The following BNIP1 variants were observed in gnomAD, a reference collection of about 807,000 sequenced individuals.
BNIP1 encodes BCL2 interacting protein 1.
Under a neutral mutation model 28.5 loss-of-function variants are expected in BNIP1, and 25 were observed. The observed-to-expected ratio is 0.88, with a 90% confidence interval of 0.64 to 1.23. BNIP1 has a LOEUF of 1.23. Among genes scored for constraint, BNIP1 ranks in the 50% most tolerant of loss-of-function variants. The pLI is 0.00. For synonymous variants in BNIP1, 118 were observed against 101.7 expected (o/e 1.16, Z -0.96); for missense variants, 276 against 277.0 (o/e 1.00, Z 0.02).
intron 1 of BNIP1, among the ~76,000 whole-genome samples, chr5:173,145,281 C>T (rs747062784): frequency 2.3e-4 from 35 of 152,316 alleles, no homozygotes; most frequent in Middle Eastern, 3.4e-3. Context: ...AAGTGTTTCG[C>T]CTTAAGCCAT....
At chr5:173,153,905 T>C (rs754653888) in intron 2 of BNIP1, among the ~76,000 whole-genome samples, 39 of 152,200 alleles carry the variant, frequency 2.6e-4, no homozygotes, top group Non-Finnish European at 4.7e-4. Flanking sequence ...TTTAATTAAA[T>C]AGGCACAGAA....
intron 2 of BNIP1, among the ~76,000 whole-genome samples, chr5:173,153,736 T>A (rs966224889): frequency 4.6e-5 from 7 of 152,186 alleles, no homozygotes; most frequent in Non-Finnish European, 7.3e-5. Flanking sequence ...GACATTTTTT[T>A]ATACCATTTT....
chr5:173,158,597 C>A, intron 3 of BNIP1, 147 bp from the exon 4 acceptor site: 1 of 613,334 alleles, frequency 1.6e-6, no homozygotes, highest in Non-Finnish European at 2.9e-6. Context: ...AACCAGGAGG[C>A]GGAAGTGGCA....
chr5:173,158,646 T>G lies in BNIP1; in HGVS notation c.270-98T>G, dbSNP rs1760274326. 4 of 911,756 alleles carry G rather than the reference T, an allele frequency of 4.4e-6. No individual in the cohort carries two copies. The African/African-American group carries it at 5.1e-5, about 12-fold the overall frequency. The allele number at this position is 911,756 out of a possible 1,614,324, so 56.5% of individuals were successfully genotyped here. A position where few individuals can be genotyped will look rare whatever the true frequency, so the allele number is the denominator to read the frequency against. ...GCTCTGAAGGCCGTGCCTGGTGGCC[T>G]TCTCCCGTGTGCCTTTGTTGGGGGG... On this transcript the variant is annotated intron_variant, in intron 3 of 5. Transcript: ENST00000351486.
At chr5:173,144,724 C>A in intron 1 of BNIP1, 95 bp downstream of exon 1, 2 of 1,348,694 alleles carry the variant, frequency 1.5e-6, no homozygotes, top group Non-Finnish European at 2.1e-6. Flanking sequence ...ACTTTCCCCA[C>A]TTGGTTTCCC....
chr5:173,163,778 G>C lies in BNIP1; in HGVS notation c.544G>C (p.Gly182Arg). Reference protein sequence around the residue: ...DANEEFKSMSGTIQLGRKLIT... With the variant: ...DANEEFKSMSRTIQLGRKLIT... ...AAATGAAGAATTTAAGTCCATGTCG[G>C]GCACCATCCAGCTGGGCCGGAAGCT... Residue 182 changes from glycine to arginine, a missense_variant, in exon 6 of 6, where the codon GGC becomes CGC. Coordinates refer to ENST00000351486, the MANE Select transcript of BNIP1 (RefSeq NM_001205.3). 6.2e-7 allele frequency: 1 copy of C among 1,612,910 alleles called. No homozygotes were observed. The highest frequency in any genetic ancestry group is 8.5e-7 in the Non-Finnish European group (1 of 1,179,516).
chr5:173,149,009 A>G (rs1243015564), intron 2 of BNIP1, among the ~76,000 whole-genome samples: 2 of 152,154 alleles, frequency 1.3e-5, no homozygotes, highest in East Asian at 3.9e-4. Flanking sequence ...TTGGCAGAGA[A>G]CTAGCACTTA....
intron 2 of BNIP1, chr5:173,151,835 C>A: frequency 8.0e-7 from 1 of 1,255,970 alleles, no homozygotes; most frequent in Non-Finnish European, 1.1e-6. Flanking sequence ...AGCACATGGC[C>A]AGTAAATGAA....
At chr5:173,148,903 C>G (rs1270496939) in intron 2 of BNIP1, among the ~76,000 whole-genome samples, 1 of 152,064 alleles carries the variant, frequency 6.6e-6, no homozygotes, top group East Asian at 1.9e-4. Flanking sequence ...CTGAGGGTTT[C>G]TAGTAATTTC....
intron 2 of BNIP1, chr5:173,151,731 C>T: frequency 6.2e-7 from 1 of 1,609,810 alleles, no homozygotes. Context: ...CATCTGGGTG[C>T]CCACCCAGTG....
chr5:173,150,374 C>T (rs534048136), intron 2 of BNIP1, among the ~76,000 whole-genome samples: 1 of 152,162 alleles, frequency 6.6e-6, no homozygotes, highest in Admixed American at 6.5e-5. Flanking sequence ...GGTAGAAAAG[C>T]TGGCCAGTTG....
Position 173,154,317 on chromosome 5 carries a change from C to T in BNIP1, c.178-5C>T, listed in dbSNP as rs1760116146. The T allele has an allele frequency of 6.2e-7, 1 of 1,608,856 alleles. No individual in the cohort carries two copies. The highest frequency in any genetic ancestry group is 1.3e-5 in the African/African-American group (1 of 74,594). On this transcript the variant is annotated splice_region_variant and splice_polypyrimidine_tract_variant and intron_variant, in intron 2 of 5. Coordinates refer to ENST00000351486, the MANE Select transcript of BNIP1 (RefSeq NM_001205.3). ...ATTTTAACATGGAATTATTTTTCCT[C>T]AAAGGACCTGGAGCAGTTGGCTAAA...
At chr5:173,147,097 G>A in intron 2 of BNIP1, 139 bp downstream of exon 2, 1 of 631,242 alleles carries the variant, frequency 1.6e-6, no homozygotes, top group Non-Finnish European at 2.7e-6. Context: ...GTACTAACCT[G>A]CTCTCCAGGT....
At chr5:173,148,078 AAAAAAATATATATATATATAT>A (rs1759897877) in intron 2 of BNIP1, among the ~76,000 whole-genome samples, 1 of 46,818 alleles carries the variant, frequency 2.1e-5, no homozygotes, top group African/African-American at 1.0e-4. Flanking sequence ...AAAAAAAAAA[AAAAAAATATATATATATATAT>A]ATATATATAT....
At chr5:173,151,546 ATT>A (rs374928255) in intron 2 of BNIP1, 10,770 of 1,414,952 alleles carry the variant, frequency 7.6e-3, no homozygotes, top group South Asian at 0.015. Flanking sequence ...AATAACTGTC[ATT>A]TTTTTTTTTT....
At chr5:173,144,694 CT>C (rs1429839868) in intron 1 of BNIP1, 65 bp downstream of exon 1, 2 of 1,548,678 alleles carry the variant, frequency 1.3e-6, no homozygotes, top group East Asian at 4.6e-5. Context: ...GGTCTGTGAG[CT>C]TGGCAGTGTC....
intron 5 of BNIP1, among the ~76,000 whole-genome samples, chr5:173,160,422 C>T (rs1173880204): frequency 4.6e-5 from 7 of 152,018 alleles, no homozygotes; most frequent in African/African-American, 7.2e-5. Context: ...TTAGTAGAGA[C>T]GGGGTTTCTC....
At chr5:173,156,632 C>A (rs1486658379) in intron 3 of BNIP1, among the ~76,000 whole-genome samples, 1 of 151,362 alleles carries the variant, frequency 6.6e-6, no homozygotes, top group Non-Finnish European at 1.5e-5. Context: ...CAGAACGAGA[C>A]CCTGCCTCTT....
intron 2 of BNIP1, among the ~76,000 whole-genome samples, chr5:173,149,109 T>C (rs369142127): frequency 2.6e-5 from 4 of 152,178 alleles, no homozygotes; most frequent in African/African-American, 9.7e-5. Flanking sequence ...CTCTTAGAAG[T>C]AGCAGTTTGA....
Sources: gnomAD v4.1 joint callset for allele counts (sites outside exome capture counted in the v4.1 genomes callset) on GRCh38, gnomAD v4.1.1 for gene constraint, MANE v1.5 for transcripts, NCBI Gene and HGNC (gene_info 2026-07-23, HGNC 2026-07-21) for gene names.